Variants in GOSR2 observed in about 807,000 individuals in gnomAD.
The protein encoded by GOSR2 is 27 kDa Golgi SNARE protein.
A neutral mutation model predicts 27.9 loss-of-function variants in GOSR2; 20 were observed. That is an observed-to-expected ratio of 0.72 (90% CI 0.50 to 1.04). GOSR2 has a LOEUF of 1.04. GOSR2 is among the 50% of genes least tolerant of loss of function. The pLI is 0.00. For missense variants in GOSR2, 261 were observed against 270.5 expected, an observed-to-expected ratio of 0.97 and a Z score of 0.25; for synonymous variants, 91 against 98.8, an observed-to-expected ratio of 0.92 and a Z score of 0.47.
chr17:46,945,407 C>T (rs554225450), downstream of GOSR2, among the ~76,000 whole-genome samples: 8 of 152,232 alleles, frequency 5.3e-5, no homozygotes, highest in South Asian at 1.5e-3. Context: ...TTTTGAGGTG[C>T]AACGTAGTGT....
intron 6 of GOSR2, among the ~76,000 whole-genome samples, chr17:46,956,306 T>C (rs1048798558): frequency 6.8e-5 from 3 of 44,324 alleles, no homozygotes; most frequent in African/African-American, 1.3e-4. Context: ...TTTTTTTTTT[T>C]TGAGACAGAG....
chr17:46,929,317 G>C (rs1281193758), intron 1 of GOSR2, among the ~76,000 whole-genome samples: 1 of 152,170 alleles, frequency 6.6e-6, no homozygotes, highest in Non-Finnish European at 1.5e-5. Flanking sequence ...CCCATAATCT[G>C]CCTATCAGTG....
At chr17:46,947,071 T>A (rs1464303327) in intron 6 of GOSR2, among the ~76,000 whole-genome samples, 1 of 151,790 alleles carries the variant, frequency 6.6e-6, no homozygotes, top group East Asian at 1.9e-4. Flanking sequence ...GAGTGGATTG[T>A]GGAAAGAGTA....
chr17:46,965,025 GT>G (rs2091247013), intron 6 of GOSR2: 1 of 152,214 alleles, frequency 6.6e-6, no homozygotes, highest in Non-Finnish European at 1.5e-5. Context: ...ATTCACTGGA[GT>G]TTTTCACCCT....
chr17:46,973,297 C>T (rs1256286318), intron 6 of GOSR2, among the ~76,000 whole-genome samples: 2 of 151,908 alleles, frequency 1.3e-5, no homozygotes, highest in African/African-American at 2.4e-5. Flanking sequence ...CTCACTCTCA[C>T]TCTGCTGCTG....
At chr17:46,927,880 A>G (rs1403127961) in intron 1 of GOSR2, among the ~76,000 whole-genome samples, 1 of 151,888 alleles carries the variant, frequency 6.6e-6, no homozygotes, top group Non-Finnish European at 1.5e-5. Context: ...CGTGTTGATC[A>G]TATTACCAAC....
intron 5 of GOSR2, chr17:46,936,664 C>A (rs2088426883): frequency 1.0e-6 from 1 of 984,584 alleles, no homozygotes; most frequent in Admixed American, 6.2e-5. Flanking sequence ...AATTTATGGT[C>A]ATTTTCAAGT....
At chr17:46,950,101 C>T (rs1275341044) in intron 6 of GOSR2, among the ~76,000 whole-genome samples, 1 of 152,202 alleles carries the variant, frequency 6.6e-6, no homozygotes, top group African/African-American at 2.4e-5. Flanking sequence ...CAGGGAGAAC[C>T]CACTTTCATA....
At chr17:46,928,866 C>G (rs1323509312) in intron 1 of GOSR2, among the ~76,000 whole-genome samples, 2 of 152,160 alleles carry the variant, frequency 1.3e-5, no homozygotes, top group African/African-American at 2.4e-5. Context: ...CAGCGATGCT[C>G]AGAACTCTTT....
chr17:46,927,628 T>C (rs2086680614), intron 1 of GOSR2, among the ~76,000 whole-genome samples: 1 of 152,246 alleles, frequency 6.6e-6, no homozygotes, highest in Non-Finnish European at 1.5e-5. Context: ...GCATTTATTG[T>C]AGTCCCTTCT....
chr17:46,950,438 G>GCCAAAAGC (rs1320386939), intron 6 of GOSR2, among the ~76,000 whole-genome samples: 68 of 152,334 alleles, frequency 4.5e-4, no homozygotes, highest in Non-Finnish European at 2.1e-4. Context: ...TATGATCAGT[G>GCCAAAAGC]CCAGAGCCAA....
At position 46,940,825 on chromosome 17, in the gene GOSR2, G is replaced by C; in HGVS notation, c.*2065G>C. 3 of 1,464,366 alleles carry C rather than the reference G, an allele frequency of 2.0e-6. No homozygotes were observed. The highest frequency in any genetic ancestry group is 2.7e-6 in the Non-Finnish European group (3 of 1,109,450). 90.7% of individuals were successfully genotyped at this position (1,464,366 alleles called of 1,614,324 possible). A position where few individuals can be genotyped will look rare whatever the true frequency, so the allele number is the denominator to read the frequency against. ...TGGGTCTTTACCACCTGCGGCTGGT[G>C]GACAGCAGCCAGTGTGTCTGGACAC... On this transcript the variant is annotated 3_prime_UTR_variant, in exon 6 of 6. Transcript: ENST00000640051.
chr17:46,965,559 A>G (rs1321420453), intron 6 of GOSR2, among the ~76,000 whole-genome samples: 1 of 152,168 alleles, frequency 6.6e-6, no homozygotes, highest in Non-Finnish European at 1.5e-5. Flanking sequence ...TCCAATTTCC[A>G]GGAAATCCTC....
chr17:46,947,942 G>T (rs571054994), intron 6 of GOSR2, among the ~76,000 whole-genome samples: 1 of 152,058 alleles, frequency 6.6e-6, no homozygotes, highest in Admixed American at 6.6e-5. Flanking sequence ...CTAATTTTTC[G>T]TGTTTTTACT....
rs2088995106 is a variant in GOSR2, at chr17:46,939,747, A to T, written c.*987A>T. On this transcript the variant is annotated 3_prime_UTR_variant, in exon 6 of 6. Coordinates refer to ENST00000640051, the MANE Select transcript of GOSR2 (RefSeq NM_004287.5). ...CATCTGTAGTGTGTATGTCCTTGTAACACTCTGTTTTCAGGGACTACAACC... is the reference window on the plus strand; with the variant it reads ...CATCTGTAGTGTGTATGTCCTTGTATCACTCTGTTTTCAGGGACTACAACC... 1.0e-6 allele frequency: 1 copy of T among 987,244 alleles called. No homozygotes were observed. The highest frequency in any genetic ancestry group is 1.7e-5 in the African/African-American group (1 of 57,232). The allele number at this position is 987,244 out of a possible 1,614,324, so 61.2% of individuals were successfully genotyped here. A position where few individuals can be genotyped will look rare whatever the true frequency, so the allele number is the denominator to read the frequency against.
intron 6 of GOSR2, among the ~76,000 whole-genome samples, chr17:46,960,954 A>G (rs1164731874): frequency 6.6e-6 from 1 of 152,228 alleles, no homozygotes; most frequent in Non-Finnish European, 1.5e-5. Context: ...ATAGTGCTCT[A>G]CGTCAAAAAA....
At chr17:46,942,270 T>C (rs1334465704), downstream of GOSR2, among the ~76,000 whole-genome samples, 1 of 152,220 alleles carries the variant, frequency 6.6e-6, no homozygotes, top group Non-Finnish European at 1.5e-5. Flanking sequence ...AGGGAAAGCC[T>C]AGGCCCTTCA....
intron 2 of GOSR2, chr17:46,929,786 C>G (rs1443895816): frequency 1.2e-5 from 7 of 562,884 alleles, no homozygotes; most frequent in Non-Finnish European, 2.2e-5. Flanking sequence ...GTCTTATCCC[C>G]CATTACCCCT....
downstream of GOSR2, among the ~76,000 whole-genome samples, chr17:46,971,934 A>G (rs566810679): frequency 7.6e-4 from 116 of 152,332 alleles, no homozygotes; most frequent in African/African-American, 2.6e-3. Context: ...AAGGCAGGGC[A>G]CAGGGCCTGG....
Sources: allele counts gnomAD v4.1 joint callset (sites outside exome capture counted in the v4.1 genomes callset), GRCh38; gene constraint gnomAD v4.1.1; transcripts MANE v1.5; gene names NCBI Gene and HGNC (gene_info 2026-07-23, HGNC 2026-07-21).